PTPN4: variants seen among roughly 807,000 people sequenced by gnomAD.
PTPN4 encodes the protein protein tyrosine phosphatase non-receptor type 4.
In PTPN4, 49 loss-of-function variants were observed where a neutral mutation model predicts 135.5. The ratio of observed to expected loss-of-function variants is 0.36; its 90% confidence interval spans 0.29 to 0.46. The LOEUF (loss-of-function observed/expected upper bound fraction) is 0.46. Ranked by LOEUF, PTPN4 falls within the 20% of genes least tolerant of loss-of-function variation. The pLI is 1.00. For synonymous variants in PTPN4, 333 were observed against 369.9 expected (o/e 0.90, Z 1.14); for missense variants, 860 against 1,101.0 (o/e 0.78, Z 3.10).
chr2:119,802,246 G>T (rs1439141392), intron 1 of PTPN4, among the ~76,000 whole-genome samples: 1 of 152,130 alleles, frequency 6.6e-6, no homozygotes, highest in Non-Finnish European at 1.5e-5. Flanking sequence ...GCAGCATTAT[G>T]TTGCATATGA....
At chr2:119,844,319 G>A (rs1481737618) in intron 2 of PTPN4, among the ~76,000 whole-genome samples, 12 of 131,070 alleles carry the variant, frequency 9.2e-5, no homozygotes, top group Middle Eastern at 4.1e-3. Flanking sequence ...GCGGCTGGCC[G>A]GACGGGGCGG....
At chr2:119,919,308 A>G (rs1406781754) in intron 11 of PTPN4, among the ~76,000 whole-genome samples, 2 of 152,250 alleles carry the variant, frequency 1.3e-5, no homozygotes, top group African/African-American at 2.4e-5. Flanking sequence ...TGAATTATGT[A>G]ATAGTGTTCA....
intron 3 of PTPN4, 23 bp downstream of exon 3, chr2:119,862,666 C>A (rs1190764696): frequency 3.8e-6 from 6 of 1,560,806 alleles, no homozygotes; most frequent in Non-Finnish European, 5.3e-6. Context: ...TTTTGTCTTT[C>A]ATTTTCATTT....
At chr2:119,865,823 C>G (rs1442684909) in intron 3 of PTPN4, among the ~76,000 whole-genome samples, 2 of 152,030 alleles carry the variant, frequency 1.3e-5, no homozygotes, top group Non-Finnish European at 1.5e-5. Context: ...TTGCCTTAGA[C>G]ATTGAAATTA....
chr2:119,766,458 GT>G (rs1690627512), intron 1 of PTPN4, among the ~76,000 whole-genome samples: 1 of 135,224 alleles, frequency 7.4e-6, no homozygotes, highest in Non-Finnish European at 1.6e-5. Flanking sequence ...GCGTGTGTGT[GT>G]GTGTGTGTGT....
intron 5 of PTPN4, among the ~76,000 whole-genome samples, chr2:119,878,373 C>A (rs139454432): frequency 6.6e-5 from 10 of 152,082 alleles, no homozygotes; most frequent in Non-Finnish European, 1.0e-4. Context: ...ATGTTATACT[C>A]TCTGTAAAAT....
Position 119,915,167 on chromosome 2 carries a change from T to C in PTPN4, c.765-12T>C. The C allele has an allele frequency of 6.6e-7, 1 of 1,512,852 alleles. No homozygotes were observed. The highest frequency in any genetic ancestry group is 8.9e-7 in the Non-Finnish European group (1 of 1,128,108). 93.7% of individuals were successfully genotyped at this position (1,512,852 alleles called of 1,614,324 possible). A position where few individuals can be genotyped will look rare whatever the true frequency, so the allele number is the denominator to read the frequency against. On this transcript the variant is annotated splice_polypyrimidine_tract_variant and intron_variant, in intron 10 of 26. Transcript: ENST00000263708. ...ATTCAATACTTTGAATAATTTATTG[T>C]CTTTTGTCCAGGTTGAAGATTGTAA...
At chr2:119,775,551 C>CT (rs1184896712) in intron 1 of PTPN4, among the ~76,000 whole-genome samples, 1 of 152,170 alleles carries the variant, frequency 6.6e-6, no homozygotes, top group Non-Finnish European at 1.5e-5. Flanking sequence ...TCCTAAGGAC[C>CT]TTTAGGGCTC....
intron 9 of PTPN4, among the ~76,000 whole-genome samples, chr2:119,896,527 G>A (rs970527021): frequency 6.6e-6 from 1 of 152,130 alleles, no homozygotes; most frequent in Non-Finnish European, 1.5e-5. Flanking sequence ...TGTCTGTTAT[G>A]TTCTTTTTTC....
intron 24 of PTPN4, among the ~76,000 whole-genome samples, chr2:119,963,430 C>G (rs1381375347): frequency 6.6e-6 from 1 of 152,162 alleles, no homozygotes; most frequent in Non-Finnish European, 1.5e-5. Flanking sequence ...CCCCCTGCCA[C>G]CATCTTTGGT....
At chr2:119,952,712 T>C (rs1436923499) in intron 19 of PTPN4, among the ~76,000 whole-genome samples, 2 of 152,222 alleles carry the variant, frequency 1.3e-5, no homozygotes, top group Non-Finnish European at 1.5e-5. Flanking sequence ...AATCATGTCA[T>C]CTCCCAATCT....
chr2:119,947,537 C>T (rs1239872375), intron 18 of PTPN4, among the ~76,000 whole-genome samples: 1 of 152,066 alleles, frequency 6.6e-6, no homozygotes, highest in East Asian at 1.9e-4. Flanking sequence ...TCACACAAAA[C>T]TAAAGAGCAT....
At chr2:119,810,045 G>T in intron 2 of PTPN4, 54 bp downstream of exon 2, 1 of 1,526,616 alleles carries the variant, frequency 6.6e-7, no homozygotes, top group Non-Finnish European at 8.9e-7. Flanking sequence ...TCTGAATTTA[G>T]ACATATATGT....
At chr2:119,917,363 TG>T (rs774982037) in intron 11 of PTPN4, among the ~76,000 whole-genome samples, 33 of 152,230 alleles carry the variant, frequency 2.2e-4, no homozygotes, top group Non-Finnish European at 4.1e-4. Context: ...TTCATGCTAT[TG>T]GGTGAGATAT....
At chr2:119,924,949 A>C (rs6730447) in intron 12 of PTPN4, among the ~76,000 whole-genome samples, 125,962 of 152,162 alleles carry the variant, frequency 0.83, 52,232 homozygotes, top group African/African-American at 0.87. Flanking sequence ...TATGGAGAAA[A>C]AAACAAGAAG....
intron 1 of PTPN4, among the ~76,000 whole-genome samples, chr2:119,771,093 C>T (rs1161428066): frequency 1.3e-5 from 2 of 152,150 alleles, no homozygotes; most frequent in African/African-American, 4.8e-5. Flanking sequence ...AGTCTGATTA[C>T]CTTGAGACTC....
chr2:119,764,107 A>C (rs1176863757), intron 1 of PTPN4, among the ~76,000 whole-genome samples: 1 of 152,186 alleles, frequency 6.6e-6, no homozygotes, highest in African/African-American at 2.4e-5. Context: ...CAATATGCTC[A>C]CCCATTACCT....
rs1679702801 is a variant in PTPN4 at position 119,981,950 on chromosome 2, A to T, written c.*4880A>T. 1 of 152,176 alleles carries T rather than the reference A, an allele frequency of 6.6e-6. No individual in the cohort carries two copies. Among genetic ancestry groups the T allele is most frequent in the South Asian group, 2.1e-4 (1 of 4,834 alleles). The allele number at this position is 152,176 out of a possible 1,614,324, so 9.4% of individuals were successfully genotyped here. A position where few individuals can be genotyped will look rare whatever the true frequency, so the allele number is the denominator to read the frequency against. The stretch of plus-strand genomic sequence containing the variant: ...TTTTTATTTTAGTAATCCAAGCTAA[A>T]TGGGCAACCAGAAGTAATATCTGCT... On this transcript the variant is annotated 3_prime_UTR_variant, in exon 27 of 27. Coordinates refer to ENST00000263708, the MANE Select transcript of PTPN4 (RefSeq NM_002830.4).
chr2:119,830,583 C>G (rs1284759891), intron 2 of PTPN4, among the ~76,000 whole-genome samples: 1 of 152,150 alleles, frequency 6.6e-6, no homozygotes, highest in Non-Finnish European at 1.5e-5. Flanking sequence ...GTTCTCCTGC[C>G]TCAGCCTCCA....
Sources: gnomAD v4.1 joint callset for allele counts (sites outside exome capture counted in the v4.1 genomes callset) on GRCh38, gnomAD v4.1.1 for gene constraint, MANE v1.5 for transcripts, NCBI Gene and HGNC (gene_info 2026-07-23, HGNC 2026-07-21) for gene names.